ATP2B2: variants seen among roughly 807,000 people sequenced by gnomAD.
ATP2B2 encodes the protein ATPase plasma membrane Ca2+ transporting 2, also known as plasma membrane calcium-transporting ATPase 2.
Under a neutral mutation model 120.0 loss-of-function variants are expected in ATP2B2, and 15 were observed. The observed-to-expected ratio is 0.12, with a 90% CI of 0.08 to 0.19. The LOEUF (loss-of-function observed/expected upper bound fraction) is 0.19. Ranked by LOEUF, ATP2B2 falls within the 10% of genes least tolerant of loss-of-function variation. The probability of loss-of-function intolerance (pLI) is 1.00; values close to 1 mark genes in which losing one functional copy is unlikely to be tolerated. For missense variants in ATP2B2, 1,045 were observed against 1,719.8 expected (o/e 0.61, Z 6.94); for synonymous variants, 694 against 700.3 (o/e 0.99, Z 0.14).
chr3:10,544,198 C>A (rs1575479863), intron 2 of ATP2B2, among the ~76,000 whole-genome samples: 1 of 152,254 alleles, frequency 6.6e-6, no homozygotes, highest in South Asian at 2.1e-4. Context: ...TTTCCCTAAT[C>A]TGCTTGATTT....
At position 10,460,917 on chromosome 3, in the gene ATP2B2, C is replaced by T. The variant is rs145698555; in HGVS notation, c.-319-11055G>A. ...TCCATGGGGTGAGGGAGGAAAAACT[C>T]ACCCACAGAGGTGCCAGGGGATGTG... On this transcript the variant is annotated intron_variant, in intron 1 of 22. Transcript: ENST00000360273. Among the ~76,000 whole-genome samples the T allele has an allele frequency of 7.9e-5, 12 of 152,298 alleles. No homozygotes were observed. In the East Asian group the frequency reaches 2.1e-3, roughly 27 times the overall value.
chr3:10,535,386 TGTGTG>T (rs879443367), intron 2 of ATP2B2, among the ~76,000 whole-genome samples: 2 of 30,978 alleles, frequency 6.5e-5, no homozygotes, highest in South Asian at 4.9e-3. Context: ...AGCAGTTTGA[TGTGTG>T]TGTGTGTGTG....
intron 2 of ATP2B2, among the ~76,000 whole-genome samples, chr3:10,610,680 C>G (rs957956686): frequency 1.4e-4 from 22 of 152,240 alleles, no homozygotes; most frequent in African/African-American, 5.3e-4. Context: ...ATCCACATAT[C>G]TTCCTGGGTC....
intron 2 of ATP2B2, among the ~76,000 whole-genome samples, chr3:10,602,555 G>A (rs923016619): frequency 2.0e-5 from 3 of 152,150 alleles, no homozygotes; most frequent in Admixed American, 1.3e-4. Context: ...GCAGCGAGGT[G>A]GAATTTAATC....
At position 10,591,595 on chromosome 3, in the gene ATP2B2, C is replaced by T. The variant is rs377222347; in HGVS notation, c.-415+28322G>A. On this transcript the variant is annotated intron_variant, in intron 2 of 21. Transcript: ENST00000646379. Reference sequence around the variant, plus strand: ...TGTGCTCACCTGTCTTAAAAACACGCCTTTCCTTGATCTCAGCTTCTCTTA... The same window carrying T: ...TGTGCTCACCTGTCTTAAAAACACGTCTTTCCTTGATCTCAGCTTCTCTTA... Among the ~76,000 whole-genome samples, 79 of 152,308 alleles carry T rather than the reference C, an allele frequency of 5.2e-4. No homozygotes were observed. The South Asian group carries it at 0.016, about 30-fold the overall frequency.
At chr3:10,421,892 A>G (rs1264949718) in intron 2 of ATP2B2, among the ~76,000 whole-genome samples, 1 of 152,202 alleles carries the variant, frequency 6.6e-6, no homozygotes, top group East Asian at 1.9e-4. Flanking sequence ...AACATTTACT[A>G]TCACTTCCTG....
intron 2 of ATP2B2, among the ~76,000 whole-genome samples, chr3:10,551,339 G>A (rs537524124): frequency 1.8e-4 from 27 of 152,358 alleles, no homozygotes; most frequent in African/African-American, 4.1e-4. Context: ...TGGCAAGGCA[G>A]TGGTGAATGG....
At position 10,347,805 on chromosome 3, in the gene ATP2B2, C is replaced by T. The variant is rs1270640399; in HGVS notation, c.2405-1668G>A. Among the ~76,000 whole-genome samples, 1 of 152,224 alleles carries T rather than the reference C, an allele frequency of 6.6e-6. No homozygotes were observed. Among genetic ancestry groups the T allele is most frequent in the Non-Finnish European group, 1.5e-5 (1 of 68,032 alleles). The stretch of plus-strand genomic sequence containing the variant: ...GAGGAAACCTCTCCCTAGACGCCTC[C>T]CTGCCTCCAGTCCTGGGGTGGCCTG... On this transcript the variant is annotated intron_variant, in intron 16 of 22. Transcript: ENST00000360273. This position sits in a 1 kb window ranked among gnomAD's most constrained non-coding sequence, Gnocchi z 5.2.
chr3:10,370,802 A>T (rs2061215786), intron 12 of ATP2B2, among the ~76,000 whole-genome samples: 2 of 152,156 alleles, frequency 1.3e-5, no homozygotes, highest in Admixed American at 1.3e-4. Flanking sequence ...TTAGCTGATC[A>T]CCCAGATGCT....
chr3:10,601,599 T>A (rs2068922502), intron 2 of ATP2B2, among the ~76,000 whole-genome samples: 1 of 152,192 alleles, frequency 6.6e-6, no homozygotes, highest in Admixed American at 6.5e-5. Flanking sequence ...TCTCTGTCTG[T>A]CTCAGTCATT....
intron 2 of ATP2B2, among the ~76,000 whole-genome samples, chr3:10,599,385 C>T (rs763441765): frequency 3.9e-5 from 6 of 152,164 alleles, no homozygotes; most frequent in Non-Finnish European, 7.4e-5. Flanking sequence ...CTCATGCTCC[C>T]GGACCCTCCT....
intron 2 of ATP2B2, among the ~76,000 whole-genome samples, chr3:10,552,828 T>C (rs976603078): frequency 5.3e-5 from 8 of 152,256 alleles, no homozygotes; most frequent in African/African-American, 1.7e-4. Flanking sequence ...GTGCAACTGC[T>C]GAGGCCACAG....
chr3:10,451,011 C>G (rs923273556), intron 1 of ATP2B2, among the ~76,000 whole-genome samples: 2 of 152,200 alleles, frequency 1.3e-5, no homozygotes, highest in African/African-American at 4.8e-5. Context: ...GACTGACCCC[C>G]TCCTCAGCTC....
chr3:10,568,172 G>A (rs978366628), intron 2 of ATP2B2, among the ~76,000 whole-genome samples: 3 of 152,166 alleles, frequency 2.0e-5, no homozygotes, highest in Admixed American at 6.5e-5. Flanking sequence ...AGCCTTAGGT[G>A]CAGGGCTGCT....
intron 2 of ATP2B2, among the ~76,000 whole-genome samples, chr3:10,583,403 C>G (rs977357659): frequency 6.6e-5 from 10 of 152,184 alleles, no homozygotes; most frequent in African/African-American, 2.4e-4. Context: ...GCACTATATC[C>G]AAACAGTGCC....
chr3:10,568,461 G>A (rs974113011), intron 2 of ATP2B2, among the ~76,000 whole-genome samples: 3 of 152,196 alleles, frequency 2.0e-5, no homozygotes, highest in Non-Finnish European at 2.9e-5. Context: ...CTGAACATGA[G>A]GCCCAGCAGA....
intron 3 of ATP2B2, among the ~76,000 whole-genome samples, chr3:10,518,324 G>A (rs1338270441): frequency 6.6e-6 from 1 of 152,058 alleles, no homozygotes; most frequent in Non-Finnish European, 1.5e-5. Context: ...TAGAGAGGAT[G>A]TGCTTGCCCC....
At chr3:10,606,302 C>A (rs1018012775) in intron 2 of ATP2B2, among the ~76,000 whole-genome samples, 4 of 152,060 alleles carry the variant, frequency 2.6e-5, no homozygotes, top group African/African-American at 9.7e-5. Flanking sequence ...TACCCATATA[C>A]TCCACGGCCA....
intron 2 of ATP2B2, among the ~76,000 whole-genome samples, chr3:10,575,829 C>G (rs2125551838): frequency 6.6e-6 from 1 of 152,238 alleles, no homozygotes; most frequent in Admixed American, 6.5e-5. Flanking sequence ...CTATGGGCTT[C>G]TAGGATAACC....
Sources: gnomAD v4.1 joint callset for allele counts (sites outside exome capture counted in the v4.1 genomes callset) on GRCh38, gnomAD v4.1.1 for gene constraint, Gnocchi (gnomAD v3.1) non-coding constraint, MANE v1.5 for transcripts, NCBI Gene and HGNC (gene_info 2026-07-23, HGNC 2026-07-21) for gene names.